ABCC9: variants seen among roughly 807,000 people sequenced by gnomAD.
ABCC9 encodes the protein ATP binding cassette subfamily C member 9.
A neutral mutation model predicts 188.3 loss-of-function variants in ABCC9; 95 were observed. The ratio of observed to expected loss-of-function variants is 0.50; its 90% CI spans 0.43 to 0.60. The LOEUF (loss-of-function observed/expected upper bound fraction) is 0.60. ABCC9 is among the 20% of genes least tolerant of loss of function. The pLI, the probability that ABCC9 is intolerant of heterozygous loss-of-function variation, is 0.00. For synonymous variants in ABCC9, 659 were observed against 652.7 expected, an observed-to-expected ratio of 1.01 and a Z score of -0.15; for missense variants, 1,102 against 1,876.3, an observed-to-expected ratio of 0.59 and a Z score of 7.62.
intron 25 of ABCC9, among the ~76,000 whole-genome samples, chr12:21,847,486 C>T (rs1249305464): frequency 2.0e-5 from 3 of 151,886 alleles, no homozygotes; most frequent in African/African-American, 7.3e-5. Flanking sequence ...GGTAGAAATG[C>T]AGGCATAAGC....
intron 10 of ABCC9, among the ~76,000 whole-genome samples, chr12:21,909,942 G>A (rs1047848000): frequency 1.3e-5 from 2 of 151,874 alleles, no homozygotes; most frequent in Admixed American, 1.3e-4. Context: ...AAATGACGGG[G>A]TAGGGCAGAT....
chr12:21,885,101 G>T (rs144111017), intron 15 of ABCC9, among the ~76,000 whole-genome samples: 1,828 of 152,306 alleles, frequency 0.012, 13 homozygotes, highest in Non-Finnish European at 0.019. Flanking sequence ...GATGTAATAT[G>T]AAGAGACTTT....
chr12:21,861,556 T>C (rs1391755788), intron 20 of ABCC9, among the ~76,000 whole-genome samples: 1 of 152,060 alleles, frequency 6.6e-6, no homozygotes, highest in Non-Finnish European at 1.5e-5. Flanking sequence ...AAAAAGCTAG[T>C]TCACGGAGCA....
At chr12:21,878,364 T>C (rs1345504204) in intron 16 of ABCC9, among the ~76,000 whole-genome samples, 1 of 152,178 alleles carries the variant, frequency 6.6e-6, no homozygotes, top group Non-Finnish European at 1.5e-5. Flanking sequence ...TGAAGAATGC[T>C]AAAAATCCTT....
chr12:21,810,026 C>T, intron 36 of ABCC9, 71 bp from the exon 37 acceptor site: 2 of 930,136 alleles, frequency 2.2e-6, no homozygotes, highest in Non-Finnish European at 1.7e-6. Flanking sequence ...TTGCTTATTG[C>T]TTTTCTTTCC....
intron 12 of ABCC9, among the ~76,000 whole-genome samples, chr12:21,904,619 G>T (rs1419058027): frequency 6.6e-6 from 1 of 151,980 alleles, no homozygotes; most frequent in East Asian, 1.9e-4. Context: ...GTGGGCAAAG[G>T]GTCTGAACAG....
intron 14 of ABCC9, among the ~76,000 whole-genome samples, chr12:21,891,772 T>A (rs1239539662): frequency 6.6e-6 from 1 of 152,192 alleles, no homozygotes; most frequent in Non-Finnish European, 1.5e-5. Context: ...ATTTCCACAG[T>A]TCCTGAAGAG....
intron 31 of ABCC9, chr12:21,827,010 C>G: frequency 2.0e-6 from 1 of 511,758 alleles, no homozygotes; most frequent in Non-Finnish European, 2.5e-6. Flanking sequence ...ATGGCCTGTT[C>G]TGCCCTTCCT....
At chr12:21,902,611 A>G (rs1947820686) in intron 12 of ABCC9, among the ~76,000 whole-genome samples, 1 of 152,230 alleles carries the variant, frequency 6.6e-6, no homozygotes, top group Non-Finnish European at 1.5e-5. Context: ...TAAAGGGGAT[A>G]TCACCACTGA....
chr12:21,855,208 T>C (rs1286713806), intron 22 of ABCC9, among the ~76,000 whole-genome samples: 1 of 151,998 alleles, frequency 6.6e-6, no homozygotes, highest in African/African-American at 2.4e-5. Flanking sequence ...AAAATTCTGA[T>C]ATTTATTTAT....
At chr12:21,934,152 T>C (rs1455671308) in intron 3 of ABCC9, among the ~76,000 whole-genome samples, 1 of 152,070 alleles carries the variant, frequency 6.6e-6, no homozygotes, top group African/African-American at 2.4e-5. Flanking sequence ...GTGGCATTAC[T>C]CAGGAATAAT....
chr12:21,846,125 T>C (rs1037944088), intron 25 of ABCC9, among the ~76,000 whole-genome samples: 1 of 152,182 alleles, frequency 6.6e-6, no homozygotes, highest in Non-Finnish European at 1.5e-5. Flanking sequence ...TTGAAGGAAT[T>C]GTGTTGCCAA....
At chr12:21,912,674 G>T (rs1361445418) in intron 8 of ABCC9, among the ~76,000 whole-genome samples, 198 bp downstream of exon 8, 1 of 151,948 alleles carries the variant, frequency 6.6e-6, no homozygotes, top group Non-Finnish European at 1.5e-5. Flanking sequence ...TTGGTGGCCA[G>T]ATTCATTCAA....
intron 12 of ABCC9, among the ~76,000 whole-genome samples, chr12:21,902,689 T>G (rs571372856): frequency 4.7e-4 from 71 of 152,206 alleles, no homozygotes; most frequent in African/African-American, 1.7e-3. Context: ...ACAGAAAATC[T>G]AGAAGAAATG....
At chr12:21,909,889 A>G (rs377030148) in intron 10 of ABCC9, among the ~76,000 whole-genome samples, 55 of 152,056 alleles carry the variant, frequency 3.6e-4, no homozygotes, top group African/African-American at 1.3e-3. Context: ...ATTCTCATTT[A>G]CAGTTAAGAA....
At chr12:21,805,281 G>A in intron 39 of ABCC9, 1 of 1,613,856 alleles carries the variant, frequency 6.2e-7, no homozygotes, top group Non-Finnish European at 8.5e-7. Flanking sequence ...ACTAAAACAA[G>A]GCCTGCATCC....
At chr12:21,858,091 A>G (rs1397324331) in intron 22 of ABCC9, among the ~76,000 whole-genome samples, 1 of 152,176 alleles carries the variant, frequency 6.6e-6, no homozygotes, top group Non-Finnish European at 1.5e-5. Context: ...TTTGATTTCC[A>G]TGATTCTACA....
chr12:21,852,632 A>T, intron 22 of ABCC9, 127 bp from the exon 23 acceptor site: 1 of 1,174,284 alleles, frequency 8.5e-7, no homozygotes, highest in Non-Finnish European at 1.2e-6. Flanking sequence ...TATTTAAAAA[A>T]AGGATAAAGA....
chr12:21,818,268 G>T lies in ABCC9; in HGVS notation c.3670-17C>A. 6.2e-7 allele frequency: 1 copy of T among 1,604,698 alleles called. No individual in the cohort carries two copies. Among genetic ancestry groups the T allele is most frequent in the Non-Finnish European group, 8.5e-7 (1 of 1,171,770 alleles). On this transcript the variant is annotated splice_polypyrimidine_tract_variant and intron_variant, in intron 31 of 39. Transcript: ENST00000261200. ...CAGATAATCCTTTGAAAAAGCAAGA[G>T]AAAATGTTAAAAGGTTACTCCCAAG...
Sources: gnomAD v4.1 joint callset for allele counts (sites outside exome capture counted in the v4.1 genomes callset) on GRCh38, gnomAD v4.1.1 for gene constraint, MANE v1.5 for transcripts, NCBI Gene and HGNC (gene_info 2026-07-23, HGNC 2026-07-21) for gene names.